OSBPL6: variants seen among roughly 807,000 people sequenced by gnomAD.
The protein encoded by OSBPL6 is oxysterol binding protein like 6, also known as oxysterol-binding protein-related protein 6.
OSBPL6 carries 49 observed loss-of-function variants against 125.8 expected under a neutral mutation model. That is an observed-to-expected ratio of 0.39 (90% CI 0.31 to 0.49). The LOEUF (loss-of-function observed/expected upper bound fraction) is 0.49, where lower values mean the gene tolerates loss of function less well. Among genes scored for constraint, OSBPL6 ranks in the 20% least tolerant of loss-of-function variants. The pLI is 0.88. For synonymous variants in OSBPL6, 394 were observed against 391.8 expected, an observed-to-expected ratio of 1.01 and a Z score of -0.07; for missense variants, 986 against 1,135.4, an observed-to-expected ratio of 0.87 and a Z score of 1.89.
At chr2:178,343,369 A>T (rs2154084164) in intron 11 of OSBPL6, among the ~76,000 whole-genome samples, 1 of 152,230 alleles carries the variant, frequency 6.6e-6, no homozygotes, top group Non-Finnish European at 1.5e-5. Flanking sequence ...CCTGGGCAAC[A>T]GAGTGAGACC....
chr2:178,393,931 C>T (rs527242089), intron 23 of OSBPL6, among the ~76,000 whole-genome samples: 1 of 152,302 alleles, frequency 6.6e-6, no homozygotes, highest in South Asian at 2.1e-4. Flanking sequence ...CAAAAGCTTT[C>T]TGATAATATA....
chr2:178,327,858 G>T (rs1688832606), intron 4 of OSBPL6, among the ~76,000 whole-genome samples: 1 of 152,080 alleles, frequency 6.6e-6, no homozygotes, highest in Non-Finnish European at 1.5e-5. Flanking sequence ...TACACAGAAA[G>T]CCAGGTCCAC....
chr2:178,321,801 T>C (rs910521899), intron 3 of OSBPL6, among the ~76,000 whole-genome samples: 2 of 152,260 alleles, frequency 1.3e-5, no homozygotes, highest in African/African-American at 4.8e-5. Flanking sequence ...ATGTTTTTTA[T>C]GATTCTCTGG....
intron 13 of OSBPL6, among the ~76,000 whole-genome samples, chr2:178,368,908 T>C (rs1693116251): frequency 6.6e-6 from 1 of 151,956 alleles, no homozygotes; most frequent in Non-Finnish European, 1.5e-5. Context: ...GTGATTCTCC[T>C]ACCTCAGCCT....
chr2:178,360,681 T>C (rs1692272968), intron 12 of OSBPL6, among the ~76,000 whole-genome samples: 1 of 152,210 alleles, frequency 6.6e-6, no homozygotes, highest in South Asian at 2.1e-4. Context: ...GCATGAACTT[T>C]TTTGGAAGCG....
intron 13 of OSBPL6, among the ~76,000 whole-genome samples, chr2:178,370,159 G>T (rs1693240742): frequency 6.6e-6 from 1 of 152,132 alleles, no homozygotes; most frequent in East Asian, 1.9e-4. Flanking sequence ...CAGCTACTTA[G>T]GAGGCTGAGG....
Position 178,328,290 on chromosome 2 carries a change from A to G in OSBPL6, c.230A>G (p.Lys77Arg). 6.2e-7 allele frequency: 1 copy of G among 1,613,932 alleles called. No individual in the cohort carries two copies. Among genetic ancestry groups the G allele is most frequent in the Non-Finnish European group, 8.5e-7 (1 of 1,179,844 alleles). The change falls in exon 5 of 25, where the codon AAA becomes AGA. Residue 77 changes from lysine to arginine, a missense_variant. Lys to Arg is a conservative substitution (Grantham distance 26). Coordinates refer to ENST00000190611, the MANE Select transcript of OSBPL6 (RefSeq NM_032523.4). ...ADSWEIIEGL[K>R]IGQTNVQKPD... ...AGCTGGGAAATTATAGAAGGGCTGAAAATAGGCCAAACCAATGTCCAGAAA... is the reference window on the plus strand; with the variant it reads ...AGCTGGGAAATTATAGAAGGGCTGAGAATAGGCCAAACCAATGTCCAGAAA...
chr2:178,293,099 T>G (rs1403719711), intron 2 of OSBPL6, among the ~76,000 whole-genome samples: 2 of 152,120 alleles, frequency 1.3e-5, no homozygotes, highest in Admixed American at 1.3e-4. Flanking sequence ...CTGGAGGAAG[T>G]CTCGGGTAAA....
At chr2:178,226,344 C>A (rs1481404998) in intron 1 of OSBPL6, among the ~76,000 whole-genome samples, 2 of 144,476 alleles carry the variant, frequency 1.4e-5, no homozygotes, top group Admixed American at 1.4e-4. Context: ...CAGTCACCTT[C>A]CATGCTGGTG....
At chr2:178,209,845 G>C (rs912089795) in intron 1 of OSBPL6, among the ~76,000 whole-genome samples, 1 of 151,516 alleles carries the variant, frequency 6.6e-6, no homozygotes, top group South Asian at 2.1e-4. Context: ...GAAGGCTACA[G>C]GTCTGGCTAC....
At chr2:178,334,761 A>G (rs892176082) in intron 8 of OSBPL6, among the ~76,000 whole-genome samples, 1 of 152,160 alleles carries the variant, frequency 6.6e-6, no homozygotes, top group African/African-American at 2.4e-5. Flanking sequence ...ACCTCAAGTG[A>G]TCTGCCCACC....
intron 5 of OSBPL6, among the ~76,000 whole-genome samples, chr2:178,330,670 T>G (rs563646895): frequency 6.6e-6 from 1 of 152,312 alleles, no homozygotes; most frequent in South Asian, 2.1e-4. Flanking sequence ...CCTGCCATCT[T>G]AGCAGCTAAG....
intron 9 of OSBPL6, among the ~76,000 whole-genome samples, chr2:178,337,225 A>G (rs549590456): frequency 1.3e-5 from 2 of 152,314 alleles, no homozygotes; most frequent in East Asian, 3.9e-4. Context: ...GATGATCCTA[A>G]GATGATATTG....
At chr2:178,352,413 A>C in intron 12 of OSBPL6, among the ~76,000 whole-genome samples, 1 of 152,218 alleles carries the variant, frequency 6.6e-6, no homozygotes, top group Admixed American at 6.5e-5. Flanking sequence ...AGGTCTTAGC[A>C]ACCAGCAGAC....
intron 13 of OSBPL6, among the ~76,000 whole-genome samples, chr2:178,363,725 C>T (rs949670193): frequency 3.3e-5 from 5 of 152,182 alleles, no homozygotes; most frequent in African/African-American, 1.2e-4. Context: ...ACATATTTCC[C>T]TCTCTTGTCA....
intron 1 of OSBPL6, among the ~76,000 whole-genome samples, chr2:178,214,208 G>A (rs2089988401): frequency 6.6e-6 from 1 of 152,120 alleles, no homozygotes; most frequent in Non-Finnish European, 1.5e-5. Context: ...ATATGTATTT[G>A]AACTTATGTT....
In OSBPL6 at chr2:178,400,100, A is replaced by T. The variant is rs1428772179; in HGVS notation, c.*4541A>T. 6.6e-6 allele frequency: 1 copy of T among 152,142 alleles called. No homozygotes were observed. The highest frequency in any genetic ancestry group is 1.5e-5 in the Non-Finnish European group (1 of 68,024). The allele number at this position is 152,142 out of a possible 1,614,324, so 9.4% of individuals were successfully genotyped here. ...TTCCACCTGTTTCTTCTAACACTTA[A>T]TTCATAAAGTGAGCAATTGAACTTC... is the stretch of plus-strand genomic sequence containing the variant. On this transcript the variant is annotated 3_prime_UTR_variant, in exon 25 of 25. Coordinates refer to ENST00000190611, the MANE Select transcript of OSBPL6 (RefSeq NM_032523.4).
chr2:178,248,714 G>A (rs2091580325), intron 1 of OSBPL6, among the ~76,000 whole-genome samples: 1 of 152,034 alleles, frequency 6.6e-6, no homozygotes. Flanking sequence ...TTTGAGGATT[G>A]CCAGTATTAG....
chr2:178,365,037 G>C (rs772695421), intron 13 of OSBPL6, among the ~76,000 whole-genome samples: 2 of 152,252 alleles, frequency 1.3e-5, no homozygotes, highest in Non-Finnish European at 2.9e-5. Context: ...TTAGCTGGGC[G>C]TGGTGGCGGG....
Sources: allele counts gnomAD v4.1 joint callset (sites outside exome capture counted in the v4.1 genomes callset), GRCh38; gene constraint gnomAD v4.1.1; transcripts MANE v1.5; gene names NCBI Gene and HGNC (gene_info 2026-07-23, HGNC 2026-07-21).